CLIC6: variants seen among roughly 807,000 people sequenced by gnomAD.
CLIC6 encodes the protein CLIC family member 6, also known as chloride intracellular channel protein 6.
CLIC6 carries 39 observed loss-of-function variants against 49.2 expected under a neutral mutation model. The ratio of observed to expected loss-of-function variants is 0.79; its 90% CI spans 0.61 to 1.04. The LOEUF is 1.04. Among genes scored for constraint, CLIC6 ranks in the 50% least tolerant of loss-of-function variants. The pLI is 0.00. For synonymous variants in CLIC6, 446 were observed against 433.4 expected, an observed-to-expected ratio of 1.03 and a Z score of -0.36; for missense variants, 988 against 993.1, an observed-to-expected ratio of 0.99 and a Z score of 0.07.
intron 1 of CLIC6, among the ~76,000 whole-genome samples, chr21:34,697,818 G>T (rs1990114291): frequency 6.6e-6 from 1 of 152,248 alleles, no homozygotes; most frequent in Non-Finnish European, 1.5e-5. Flanking sequence ...GAGGCCAGGA[G>T]AACTGCGGGG....
At chr21:34,690,535 G>A (rs957800069) in intron 1 of CLIC6, among the ~76,000 whole-genome samples, 5 of 152,088 alleles carry the variant, frequency 3.3e-5, no homozygotes, top group African/African-American at 1.2e-4. Context: ...AGCTTATTTG[G>A]AAAATGCCAG....
intron 1 of CLIC6, 152 bp downstream of exon 1, chr21:34,670,914 C>T (rs578103263): frequency 2.4e-4 from 209 of 885,134 alleles, no homozygotes; most frequent in Non-Finnish European, 3.1e-4. Flanking sequence ...GCGGGACAGC[C>T]GGGATTTCCC....
intron 1 of CLIC6, chr21:34,706,063 A>G: frequency 2.9e-6 from 2 of 688,952 alleles, no homozygotes; most frequent in Middle Eastern, 3.3e-4. Flanking sequence ...TCGCATTGCT[A>G]TAAAGAAATA....
chr21:34,685,849 T>C (rs886566225), intron 1 of CLIC6, among the ~76,000 whole-genome samples: 1 of 152,232 alleles, frequency 6.6e-6, no homozygotes, highest in Non-Finnish European at 1.5e-5. Flanking sequence ...CCTGCACATA[T>C]GTAGCTCCAC....
At chr21:34,694,520 C>T (rs2145809526) in intron 1 of CLIC6, among the ~76,000 whole-genome samples, 1 of 152,190 alleles carries the variant, frequency 6.6e-6, no homozygotes, top group African/African-American at 2.4e-5. Flanking sequence ...CCATGTTGCC[C>T]AGGCTGAAAT....
intron 1 of CLIC6, 111 bp downstream of exon 1, chr21:34,670,873 G>A: frequency 8.3e-7 from 1 of 1,206,314 alleles, no homozygotes; most frequent in Non-Finnish European, 1.1e-6. Context: ...TATCCTGATT[G>A]TCATCAGGCG....
chr21:34,706,103 A>G (rs2056012604), intron 1 of CLIC6: 1 of 675,316 alleles, frequency 1.5e-6, no homozygotes, highest in Admixed American at 2.1e-5. Context: ...TAAAGAAAAG[A>G]GGCTGAATTG....
intron 1 of CLIC6, among the ~76,000 whole-genome samples, chr21:34,695,891 T>G (rs1201436400): frequency 6.6e-6 from 1 of 152,138 alleles, no homozygotes; most frequent in Non-Finnish European, 1.5e-5. Flanking sequence ...TTCGATGAGA[T>G]TTTCCAAGGA....
At position 34,669,793 on chromosome 21, in the gene CLIC6, C is replaced by G. The variant is rs1167119099; in HGVS notation, c.405C>G (p.Pro135=). 8.4e-6 allele frequency: 12 copies of G among 1,423,142 alleles called. No homozygotes were observed. Among genetic ancestry groups the G allele is most frequent in the African/African-American group, 1.5e-5 (1 of 65,728 alleles). The allele number at this position is 1,423,142 out of a possible 1,614,324, so 88.2% of individuals were successfully genotyped here. A position where few individuals can be genotyped will look rare whatever the true frequency, so the allele number is the denominator to read the frequency against. The change falls in exon 1 of 6, where the codon CCC becomes CCG. Residue 135 remains proline (P), a synonymous_variant. Coordinates refer to ENST00000349499, the MANE Select transcript of CLIC6 (RefSeq NM_053277.3). ...GGGAGCCCGAGGACTCTGCGGCCCCCGAGAGGCAGGAGGAGGCGGAGCAGA... is the reference window on the plus strand; with the variant it reads ...GGGAGCCCGAGGACTCTGCGGCCCCGGAGAGGCAGGAGGAGGCGGAGCAGA... The part of the protein sequence containing the change: ...AQREPEDSAA[P]ERQEEAEQRP...
chr21:34,675,376 G>A (rs1449340018), intron 1 of CLIC6, among the ~76,000 whole-genome samples: 1 of 151,980 alleles, frequency 6.6e-6, no homozygotes, highest in East Asian at 1.9e-4. Flanking sequence ...CTGTGGACAT[G>A]TCACTGGGAG....
chr21:34,708,697 A>G lies in CLIC6; in HGVS notation c.1611-3A>G, dbSNP rs1445218256. 6.2e-7 allele frequency: 1 copy of G among 1,610,614 alleles called. No individual in the cohort carries two copies. ...GTGATCCTCCAATTTTGAACTTTTC[A>G]AGGTATCCCAAGCTGGGGACCCAAC... On this transcript the variant is annotated splice_region_variant and splice_polypyrimidine_tract_variant and intron_variant, in intron 3 of 5. Transcript: ENST00000349499.
In CLIC6 at chr21:34,698,922, G is replaced by A. The variant is rs571719279; in HGVS notation, c.1375-8358G>A. On this transcript the variant is annotated intron_variant, in intron 1 of 5. Transcript: ENST00000349499. ...CAAGAGTGGCTTCAAAAGCAGAAAC[G>A]CTGTGCTGGGCAAGAGACTGATGAT... is the stretch of plus-strand genomic sequence containing the variant. Among the ~76,000 whole-genome samples the A allele has an allele frequency of 1.6e-3, 248 of 152,300 alleles. 1 individual carries two copies. In the Middle Eastern group the frequency reaches 0.044, roughly 27 times the overall value.
chr21:34,694,687 G>A (rs763126485), intron 1 of CLIC6, among the ~76,000 whole-genome samples: 14 of 152,136 alleles, frequency 9.2e-5, no homozygotes, highest in Non-Finnish European at 1.9e-4. Flanking sequence ...AGAGCCATGA[G>A]CCAATTAAAC....
intron 1 of CLIC6, among the ~76,000 whole-genome samples, chr21:34,705,134 T>C (rs2056005577): frequency 6.6e-6 from 1 of 152,190 alleles, no homozygotes; most frequent in South Asian, 2.1e-4. Context: ...ACTATAAAAA[T>C]GAGAGGTTTA....
chr21:34,706,897 T>A lies in CLIC6; in HGVS notation c.1375-383T>A, dbSNP rs546025763. On this transcript the variant is annotated intron_variant, in intron 1 of 5. Coordinates refer to ENST00000349499, the MANE Select transcript of CLIC6 (RefSeq NM_053277.3). The stretch of plus-strand genomic sequence containing the variant: ...AAGAATAGTTGATCCTTGGAGAGGA[T>A]CGAGAGATAGAGGGAAGGAAAGGGC... Among the ~76,000 whole-genome samples the A allele has an allele frequency of 1.6e-3, 237 of 152,300 alleles. 1 individual carries two copies. The highest frequency in any genetic ancestry group is 2.5e-3 in the Non-Finnish European group (168 of 68,016).
At chr21:34,675,592 G>A (rs1989650275) in intron 1 of CLIC6, among the ~76,000 whole-genome samples, 1 of 152,056 alleles carries the variant, frequency 6.6e-6, no homozygotes, top group Non-Finnish European at 1.5e-5. Flanking sequence ...AATCAGTACC[G>A]GGTTACTTGG....
chr21:34,674,072 A>G (rs1989618246), intron 1 of CLIC6, among the ~76,000 whole-genome samples: 1 of 152,168 alleles, frequency 6.6e-6, no homozygotes, highest in African/African-American at 2.4e-5. Context: ...ACATTTTAAA[A>G]TCAGTTAGCC....
Position 34,670,367 on chromosome 21 carries a change from G to C in CLIC6, c.979G>C (p.Ala327Pro), listed in dbSNP as rs148914738. Residue 327 changes from alanine (A) to proline (P), a missense_variant, in exon 1 of 6, where the codon GCC becomes CCC. Physicochemically the swap from Ala to Pro is conservative, Grantham distance 27. Transcript: ENST00000349499. ...TGCGGGGCGCAGCCCCGGTGAGCTCGCCTGGGACGCAGCGGAGGAGGCGGA... is the reference window on the plus strand; with the variant it reads ...TGCGGGGCGCAGCCCCGGTGAGCTCCCCTGGGACGCAGCGGAGGAGGCGGA... ...ESAGRSPGELAWDAAEEAEVP... is the reference protein window; with the variant it reads ...ESAGRSPGELPWDAAEEAEVP... 2 of 1,453,254 alleles carry C rather than the reference G, an allele frequency of 1.4e-6. No homozygotes were observed. The highest frequency in any genetic ancestry group is 1.8e-6 in the Non-Finnish European group (2 of 1,103,238). 90.0% of individuals were successfully genotyped at this position (1,453,254 alleles called of 1,614,324 possible). A position where few individuals can be genotyped will look rare whatever the true frequency, so the allele number is the denominator to read the frequency against.
At chr21:34,670,797 C>T (rs1568955088) in intron 1 of CLIC6, 35 bp downstream of exon 1, 1 of 1,571,274 alleles carries the variant, frequency 6.4e-7, no homozygotes, top group Non-Finnish European at 8.6e-7. Context: ...TAGGACGACC[C>T]CCTTCCATTC....
Sources: gnomAD v4.1 joint callset for allele counts (sites outside exome capture counted in the v4.1 genomes callset) on GRCh38, gnomAD v4.1.1 for gene constraint, MANE v1.5 for transcripts, NCBI Gene and HGNC (gene_info 2026-07-23, HGNC 2026-07-21) for gene names.